UBR2: variants seen among roughly 807,000 people sequenced by gnomAD.
The protein encoded by UBR2 is ubiquitin protein ligase E3 component n-recognin 2.
UBR2 carries 92 observed loss-of-function variants against 247.9 expected under a neutral mutation model. The observed-to-expected ratio is 0.37, with a 90% confidence interval of 0.31 to 0.44. The LOEUF is 0.44. UBR2 is among the 20% of genes least tolerant of loss of function. The pLI, the probability that UBR2 is intolerant of heterozygous loss-of-function variation, is 1.00. For synonymous variants in UBR2, 672 were observed against 693.5 expected (o/e 0.97, Z 0.49); for missense variants, 1,613 against 2,112.6 (o/e 0.76, Z 4.64).
chr6:42,645,693 A>G, intron 21 of UBR2, 103 bp downstream of exon 21: 1 of 1,242,188 alleles, frequency 8.1e-7, no homozygotes, highest in Non-Finnish European at 1.1e-6. Flanking sequence ...ACAATTGTAA[A>G]ATCTATTGTC....
At chr6:42,600,137 T>A (rs1298086378) in intron 4 of UBR2, among the ~76,000 whole-genome samples, 1 of 152,166 alleles carries the variant, frequency 6.6e-6, no homozygotes, top group Admixed American at 6.5e-5. Context: ...GTTAAAATCT[T>A]TATTGTAATA....
At chr6:42,632,069 A>AAAAATATATATAT (rs56721828) in intron 11 of UBR2, among the ~76,000 whole-genome samples, 2 of 114,074 alleles carry the variant, frequency 1.8e-5, no homozygotes, top group African/African-American at 6.8e-5. Flanking sequence ...AAAAAAAAAA[A>AAAAATATATATAT]ATATATATAT....
intron 8 of UBR2, 21 bp from the exon 9 acceptor site, chr6:42,615,050 T>C (rs184738929): frequency 2.5e-6 from 4 of 1,599,892 alleles, no homozygotes; most frequent in Non-Finnish European, 2.6e-6. Flanking sequence ...TATCTCATTC[T>C]ACCTTTCCTT....
At chr6:42,610,867 C>T (rs560871446) in intron 7 of UBR2, among the ~76,000 whole-genome samples, 35 of 146,584 alleles carry the variant, frequency 2.4e-4, no homozygotes, top group Admixed American at 1.1e-3. Context: ...TTTTTTGAGA[C>T]GGAGTTTTGC....
rs1413033382 is a variant in UBR2, at chr6:42,692,057, A to G, written c.*884A>G. Reference sequence around the variant, plus strand: ...ATTTATTTTGGCCTCTGTCACATCCAGTTTCTTGAGCTTTTAAGGTAAGCT... The same window carrying G: ...ATTTATTTTGGCCTCTGTCACATCCGGTTTCTTGAGCTTTTAAGGTAAGCT... On this transcript the variant is annotated 3_prime_UTR_variant, in exon 47 of 47. Transcript: ENST00000372901. 5 of 151,964 alleles carry G rather than the reference A, an allele frequency of 3.3e-5. No homozygotes were observed. The highest frequency in any genetic ancestry group is 7.4e-5 in the Non-Finnish European group (5 of 68,012). The allele number at this position is 151,964 out of a possible 1,614,324, so 9.4% of individuals were successfully genotyped here. A position where few individuals can be genotyped will look rare whatever the true frequency, so the allele number is the denominator to read the frequency against.
intron 45 of UBR2, 127 bp downstream of exon 45, chr6:42,688,513 GT>G (rs1408415419): frequency 8.9e-7 from 1 of 1,129,322 alleles, no homozygotes; most frequent in East Asian, 2.5e-5. Context: ...TTCCAGAAAC[GT>G]GGAGCTCCTT....
rs1275418330 is a variant in UBR2 at position 42,666,232 on chromosome 6, G to A, written c.3868G>A (p.Asp1290Asn). The change falls in exon 34 of 47, where the codon GAT becomes AAT. Residue 1290 changes from aspartate (D) to asparagine (N), a missense_variant. This residue lies in a region of UBR2 where 1,524 missense variants were observed against 1,967.3 expected (regional missense o/e 0.77). Transcript: ENST00000372901. ...ACAGCTCCCTGAAGGGTTCAGGCCTGATTTTCGTCCTAAGTGAGTATATTA... is the reference window on the plus strand; with the variant it reads ...ACAGCTCCCTGAAGGGTTCAGGCCTAATTTTCGTCCTAAGTGAGTATATTA... ...ELQLPEGFRP[D>N]FRPKIPYSES... 6.2e-7 allele frequency: 1 copy of A among 1,609,170 alleles called. No homozygotes were observed. Among genetic ancestry groups the A allele is most frequent in the Non-Finnish European group, 8.5e-7 (1 of 1,178,210 alleles).
chr6:42,569,207 G>A (rs926051564), intron 1 of UBR2, among the ~76,000 whole-genome samples: 11 of 152,150 alleles, frequency 7.2e-5, no homozygotes, highest in Non-Finnish European at 1.3e-4. Context: ...AAATTGGTGG[G>A]TCATATGTTA....
At chr6:42,607,523 G>A (rs1486979189) in intron 7 of UBR2, among the ~76,000 whole-genome samples, 3 of 151,146 alleles carry the variant, frequency 2.0e-5, no homozygotes, top group African/African-American at 4.9e-5. Flanking sequence ...TCATTTTGTT[G>A]TTGTTGTTTG....
chr6:42,670,747 T>C (rs1186824366), intron 36 of UBR2, 32 bp downstream of exon 36: 1 of 1,567,862 alleles, frequency 6.4e-7, no homozygotes, highest in Admixed American at 1.8e-5. Context: ...TTCATGATAG[T>C]GGGGCATGGA....
At chr6:42,614,362 ATG>A (rs1158363741) in intron 8 of UBR2, among the ~76,000 whole-genome samples, 18 of 111,970 alleles carry the variant, frequency 1.6e-4, no homozygotes, top group East Asian at 2.7e-4. Context: ...GTGTGTATAT[ATG>A]TGTGTATGTG....
In UBR2 at chr6:42,691,366, C is replaced by G. The variant is rs1359106907; in HGVS notation, c.*193C>G. The G allele has an allele frequency of 2.9e-6, 2 of 693,862 alleles. No homozygotes were observed. The highest frequency in any genetic ancestry group is 5.7e-5 in the East Asian group (2 of 34,886). 43.0% of individuals were successfully genotyped at this position (693,862 alleles called of 1,614,324 possible). A position where few individuals can be genotyped will look rare whatever the true frequency, so the allele number is the denominator to read the frequency against. On this transcript the variant is annotated 3_prime_UTR_variant, in exon 47 of 47. Transcript: ENST00000372901. ...GATTTTCTTGCACTGTTTGCTGTGC[C>G]CCTCAAATATAATGTCTTGGGTTTT...
At chr6:42,664,676 T>C (rs527814927) in intron 32 of UBR2, among the ~76,000 whole-genome samples, 2 of 152,380 alleles carry the variant, frequency 1.3e-5, no homozygotes, top group Admixed American at 6.5e-5. Flanking sequence ...TACTGACTTA[T>C]CTGCATTTGA....
chr6:42,662,098 G>T (rs1797847498), intron 30 of UBR2, 86 bp from the exon 31 acceptor site: 2 of 852,166 alleles, frequency 2.3e-6, no homozygotes, highest in Non-Finnish European at 3.7e-6. Flanking sequence ...TCTTTATCAA[G>T]GATTTTACAA....
At chr6:42,633,893 G>T (rs1795922371) in intron 13 of UBR2, among the ~76,000 whole-genome samples, 3 of 150,160 alleles carry the variant, frequency 2.0e-5, no homozygotes, top group South Asian at 4.2e-4. Flanking sequence ...ACCATGCCTG[G>T]CTATTTTTTG....
Position 42,679,768 on chromosome 6 carries a change from C to A in UBR2, c.4654C>A (p.Leu1552Ile), listed in dbSNP as rs1351683950. The part of the protein sequence containing the change: ...HFEHLCSYLS[L>I]PNNLICLFQE... ...TGAACATTTATGTAGCTATCTTTCC[C>A]TACCAAACAACCTCATTTGCCTTTT... is the stretch of plus-strand genomic sequence containing the variant. Residue 1552 changes from leucine (L) to isoleucine (I), a missense_variant, in exon 42 of 47, where the codon CTA becomes ATA. Transcript: ENST00000372901. The A allele has an allele frequency of 1.2e-6, 2 of 1,613,368 alleles. No individual in the cohort carries two copies. The highest frequency in any genetic ancestry group is 1.7e-6 in the Non-Finnish European group (2 of 1,179,864).
At chr6:42,684,941 T>C in intron 44 of UBR2, 70 bp downstream of exon 44, 1 of 1,294,120 alleles carries the variant, frequency 7.7e-7, no homozygotes, top group Non-Finnish European at 1.1e-6. Context: ...ATTTGAAGGA[T>C]TTTGTTGTTG....
intron 36 of UBR2, among the ~76,000 whole-genome samples, chr6:42,671,067 C>G (rs184196751): frequency 2.6e-5 from 4 of 152,048 alleles, no homozygotes; most frequent in Admixed American, 1.3e-4. Context: ...TGCCTATAGT[C>G]CCAGCTACTC....
At chr6:42,664,816 T>C (rs529898933) in intron 32 of UBR2, among the ~76,000 whole-genome samples, 1 of 152,324 alleles carries the variant, frequency 6.6e-6, no homozygotes, top group South Asian at 2.1e-4. Flanking sequence ...TCAATTATGG[T>C]TTAGTCATAT....
Sources: allele counts gnomAD v4.1 joint callset (sites outside exome capture counted in the v4.1 genomes callset), GRCh38; gene constraint gnomAD v4.1.1; regional missense constraint gnomAD v4.1.1; transcripts MANE v1.5; gene names NCBI Gene and HGNC (gene_info 2026-07-23, HGNC 2026-07-21).